CUX1: variants seen among roughly 807,000 people sequenced by gnomAD.
CUX1 encodes protein CASP.
In CUX1, 31 loss-of-function variants were observed where a neutral mutation model predicts 158.8. The ratio of observed to expected loss-of-function variants is 0.20; its 90% CI spans 0.15 to 0.26. The LOEUF (loss-of-function observed/expected upper bound fraction) is 0.26. CUX1 is among the 10% of genes least tolerant of loss of function. The probability of loss-of-function intolerance (pLI) is 1.00; values close to 1 mark genes in which losing one functional copy is unlikely to be tolerated. For missense variants in CUX1, 1,589 were observed against 2,014.6 expected (o/e 0.79, Z 4.04); for synonymous variants, 879 against 862.1 (o/e 1.02, Z -0.34).
At chr7:102,017,933 T>A (rs7797764) in intron 2 of CUX1, among the ~76,000 whole-genome samples, 64,427 of 151,998 alleles carry the variant, frequency 0.42, 14,296 homozygotes, top group Non-Finnish European at 0.46. Flanking sequence ...CACAGATGTA[T>A]TTTCAAAGTT....
At chr7:102,079,976 C>T (rs544159639) in intron 4 of CUX1, among the ~76,000 whole-genome samples, 6 of 152,302 alleles carry the variant, frequency 3.9e-5, no homozygotes, top group African/African-American at 1.4e-4. Flanking sequence ...TCCCTACCTT[C>T]CTCGGCCAGG....
chr7:102,019,359 G>C (rs1819068336), intron 2 of CUX1, among the ~76,000 whole-genome samples: 1 of 151,068 alleles, frequency 6.6e-6, no homozygotes, highest in Non-Finnish European at 1.5e-5. Context: ...GGAGTAGCTG[G>C]GATTAAAGGC....
chr7:102,070,261 T>A, intron 3 of CUX1, 78 bp from the exon 4 acceptor site: 1 of 1,214,266 alleles, frequency 8.2e-7, no homozygotes, highest in Non-Finnish European at 1.2e-6. Flanking sequence ...ATTCACTAGA[T>A]GTGTAATGCT....
At chr7:101,837,995 A>G (rs1380685891) in intron 1 of CUX1, among the ~76,000 whole-genome samples, 1 of 150,520 alleles carries the variant, frequency 6.6e-6, no homozygotes, top group Non-Finnish European at 1.5e-5. Context: ...TCCTCATTCT[A>G]CTCTATTAAT....
At chr7:102,267,570 G>A (rs939419628) in intron 14 of CUX1, among the ~76,000 whole-genome samples, 1 of 152,034 alleles carries the variant, frequency 6.6e-6, no homozygotes, top group East Asian at 1.9e-4. Context: ...GGCCCCTCGC[G>A]CCTTCAGGAA....
chr7:102,283,047 A>C, exon 23 of CUX1: 1 of 1,610,356 alleles, frequency 6.2e-7, no homozygotes, highest in Non-Finnish European at 8.5e-7. Context: ...CACAAGTTCC[A>C]CGAGAATGAC....
At chr7:102,013,204 C>T (rs7780631) in intron 2 of CUX1, among the ~76,000 whole-genome samples, 57,454 of 151,212 alleles carry the variant, frequency 0.38, 11,399 homozygotes, top group African/African-American at 0.4. Context: ...GTGGCTGAGA[C>T]GTAGATCAAG....
intron 2 of CUX1, among the ~76,000 whole-genome samples, chr7:101,985,406 C>T (rs1488454382): frequency 6.6e-6 from 1 of 152,208 alleles, no homozygotes; most frequent in East Asian, 1.9e-4. Context: ...GTACCTGGGG[C>T]CAAGAGGAGC....
chr7:101,878,962 G>A (rs1362793118), intron 1 of CUX1, among the ~76,000 whole-genome samples: 1 of 152,182 alleles, frequency 6.6e-6, no homozygotes, highest in Non-Finnish European at 1.5e-5. Context: ...ATGAGCCACT[G>A]CACCCAGTCA....
chr7:102,248,513 C>T lies in CUX1; in HGVS notation c.3989C>T (p.Ala1330Val), dbSNP rs1554537821. Residue 1330 changes from alanine (A) to valine (V), a missense_variant, in exon 24 of 24, where the codon GCG becomes GTG. Transcript: ENST00000292535. The surrounding 1 kb of genome is among the most constrained non-coding windows in gnomAD (Gnocchi z 5.8). Reference protein sequence around the residue: ...DSPSARSGRAAPSSEGDSCDG... With the variant: ...DSPSARSGRAVPSSEGDSCDG... ...CCCTCGGCCCGCAGCGGCCGGGCGG[C>T]GCCCAGCTCGGAGGGCGACAGCTGC... is the stretch of plus-strand genomic sequence containing the variant. 4 of 1,545,682 alleles carry T rather than the reference C, an allele frequency of 2.6e-6. No individual in the cohort carries two copies. The highest frequency in any genetic ancestry group is 1.4e-5 in the African/African-American group (1 of 72,362).
Position 102,256,256 on chromosome 7 carries a change from T to C in CUX1, c.*7214T>C, listed in dbSNP as rs1235631356. 1.9e-5 allele frequency: 19 copies of C among 985,466 alleles called. No homozygotes were observed. Among genetic ancestry groups the C allele is most frequent in the African/African-American group, 5.2e-5 (3 of 57,358 alleles). 61.0% of individuals were successfully genotyped at this position (985,466 alleles called of 1,614,324 possible). A position where few individuals can be genotyped will look rare whatever the true frequency, so the allele number is the denominator to read the frequency against. Reference sequence around the variant, plus strand: ...TTAATCTTGTCTTGTTGAAATGGACTGACTGCTACTGACCTGCCGGCGTGC... The same window carrying C: ...TTAATCTTGTCTTGTTGAAATGGACCGACTGCTACTGACCTGCCGGCGTGC... On this transcript the variant is annotated 3_prime_UTR_variant, in exon 24 of 24. Coordinates refer to ENST00000292535, the MANE Select transcript of CUX1 (RefSeq NM_181552.4).
chr7:101,914,987 A>G (rs1200633414), intron 1 of CUX1, among the ~76,000 whole-genome samples: 1 of 152,072 alleles, frequency 6.6e-6, no homozygotes, highest in Non-Finnish European at 1.5e-5. Context: ...GAGAGGCTCT[A>G]GTGTGCTTCT....
At chr7:101,908,129 A>G (rs1802966101) in intron 1 of CUX1, among the ~76,000 whole-genome samples, 1 of 152,128 alleles carries the variant, frequency 6.6e-6, no homozygotes, top group Admixed American at 6.5e-5. Flanking sequence ...TGTTTGTAGA[A>G]CCTTCTACAG....
intron 3 of CUX1, among the ~76,000 whole-genome samples, chr7:102,038,514 T>C (rs750236106): frequency 6.6e-6 from 1 of 152,224 alleles, no homozygotes; most frequent in African/African-American, 2.4e-5. Flanking sequence ...CTGCAAGTTA[T>C]TCCTCCTGAC....
Position 101,828,105 on chromosome 7 carries a change from A to G in CUX1, c.30+10436A>G, listed in dbSNP as rs1416005769. 6.0e-5 allele frequency among the ~76,000 whole-genome samples: 9 copies of G among 150,486 alleles called. No individual in the cohort carries two copies. In the Admixed American group the frequency reaches 6.0e-4, roughly 10 times the overall value. The stretch of plus-strand genomic sequence containing the variant: ...ATTCTCCTGCCTCAGCCTCCTGAGT[A>G]GCTGGGACTACAGGCACCCACTACT... On this transcript the variant is annotated intron_variant, in intron 1 of 23. Coordinates refer to ENST00000292535, the MANE Select transcript of CUX1 (RefSeq NM_181552.4).
At chr7:101,882,294 C>G (rs1305332392) in intron 1 of CUX1, among the ~76,000 whole-genome samples, 1 of 152,184 alleles carries the variant, frequency 6.6e-6, no homozygotes, top group South Asian at 2.1e-4. Flanking sequence ...AATTTCGTGA[C>G]CAGTCACTCA....
intron 9 of CUX1, among the ~76,000 whole-genome samples, chr7:102,160,172 C>T (rs1356418452): frequency 7.1e-6 from 1 of 141,806 alleles, no homozygotes; most frequent in African/African-American, 2.7e-5. Context: ...GAGCGAGAAT[C>T]TGTCTAAAAA....
intron 21 of CUX1, among the ~76,000 whole-genome samples, chr7:102,233,105 G>C (rs1554531350): frequency 6.6e-6 from 1 of 151,724 alleles, no homozygotes; most frequent in Non-Finnish European, 1.5e-5. Context: ...CTGGCTTAGA[G>C]ATTTCACTGC....
rs375199635 is a variant in CUX1 at position 101,916,002 on chromosome 7, C to T, written c.31-113C>T. 2.0e-4 allele frequency: 145 copies of T among 735,668 alleles called. 3 individuals carry two copies. In the East Asian group the frequency reaches 2.9e-3, roughly 14 times the overall value. 45.6% of individuals were successfully genotyped at this position (735,668 alleles called of 1,614,324 possible). ...CCTCCTCTGCCAATGAGTTGATGTT[C>T]CTTAGAGCCACTGGGGTCTCTCCCC... is the stretch of plus-strand genomic sequence containing the variant. On this transcript the variant is annotated intron_variant, in intron 1 of 23. Transcript: ENST00000292535. This position sits in a 1 kb window ranked among gnomAD's most constrained non-coding sequence, Gnocchi z 4.4.
Sources: gnomAD v4.1 joint callset for allele counts (sites outside exome capture counted in the v4.1 genomes callset) on GRCh38, gnomAD v4.1.1 for gene constraint, Gnocchi (gnomAD v3.1) non-coding constraint, MANE v1.5 for transcripts, NCBI Gene and HGNC (gene_info 2026-07-23, HGNC 2026-07-21) for gene names.